PCDHA1: variants seen among roughly 807,000 people sequenced by gnomAD.
PCDHA1 encodes protocadherin alpha-1.
A neutral mutation model predicts 61.3 loss-of-function variants in PCDHA1; 42 were observed. The ratio of observed to expected loss-of-function variants is 0.69; its 90% CI spans 0.54 to 0.89. PCDHA1 has a LOEUF of 0.89. PCDHA1 is among the 40% of genes least tolerant of loss of function. PCDHA1 has a pLI of 0.00. For synonymous variants in PCDHA1, 610 were observed against 553.8 expected (o/e 1.10, Z -1.43); for missense variants, 1,256 against 1,235.3 (o/e 1.02, Z -0.25).
intron 1 of PCDHA1, among the ~76,000 whole-genome samples, chr5:140,891,121 T>C (rs74535477): frequency 0.041 from 6,261 of 152,308 alleles, 144 homozygotes; most frequent in Middle Eastern, 0.061. Context: ...TCAATCTAAA[T>C]GTCATTCCTT....
chr5:140,882,813 C>T lies in PCDHA1; in HGVS notation c.2394+94129C>T, dbSNP rs782169035. On this transcript the variant is annotated intron_variant, in intron 1 of 3. Transcript: ENST00000504120. ...CCCAACGATTATTTCACTTTGGACG[C>T]ACAAAACAGTCTTGAGCAAATGTCT... 4 of 1,614,176 alleles carry T rather than the reference C, an allele frequency of 2.5e-6. No individual in the cohort carries two copies. The East Asian group carries it at 6.7e-5, about 27-fold the overall frequency.
At chr5:140,919,945 A>G (rs1456572905) in intron 1 of PCDHA1, among the ~76,000 whole-genome samples, 1 of 151,572 alleles carries the variant, frequency 6.6e-6, no homozygotes, top group Non-Finnish European at 1.5e-5. Flanking sequence ...ATTCCAGTGA[A>G]AAGTTTGTTT....
intron 1 of PCDHA1, among the ~76,000 whole-genome samples, chr5:140,924,926 TAAAATAAAATAAAAA>T (rs1425116753): frequency 8.4e-6 from 1 of 119,430 alleles, no homozygotes; most frequent in Non-Finnish European, 1.8e-5. Flanking sequence ...TAAAATAAAA[TAAAATAAAATAAAAA>T]GTTAAAAAAA....
At position 140,841,479 on chromosome 5, in the gene PCDHA1, G is replaced by A. The variant is rs2150316299; in HGVS notation, c.2394+52795G>A. On this transcript the variant is annotated intron_variant, in intron 1 of 3. Transcript: ENST00000504120. The stretch of plus-strand genomic sequence containing the variant: ...GTGGGCCGGATCGCGCAGGACCTGG[G>A]GCTGGAGCTGGCGGAGCTGGTGCCG... The A allele has an allele frequency of 3.6e-4, 573 of 1,613,084 alleles. 4 individuals are homozygous for A. In the Admixed American group the frequency reaches 9.2e-3, roughly 26 times the overall value.
intron 1 of PCDHA1, among the ~76,000 whole-genome samples, chr5:140,961,425 T>G (rs2095610907): frequency 6.6e-6 from 1 of 152,226 alleles, no homozygotes; most frequent in Admixed American, 6.5e-5. Context: ...TTTAAACAAT[T>G]ACAAAATCAC....
chr5:140,816,954 C>T (rs1766032613), intron 1 of PCDHA1: 1 of 152,160 alleles, frequency 6.6e-6, no homozygotes, highest in African/African-American at 2.4e-5. Context: ...TCAAGTGAGA[C>T]AGAAACTTGG....
At chr5:140,856,574 T>C in intron 1 of PCDHA1, 1 of 1,597,714 alleles carries the variant, frequency 6.3e-7, no homozygotes, top group Non-Finnish European at 8.6e-7. Flanking sequence ...TCCAAATGAG[T>C]ATTTTGTTCT....
At position 140,927,384 on chromosome 5, in the gene PCDHA1, C is replaced by G. The variant is rs2084146194; in HGVS notation, c.2395-51565C>G. On this transcript the variant is annotated intron_variant, in intron 1 of 3. Transcript: ENST00000504120. Reference sequence around the variant, plus strand: ...ATGGGATACTAAGCTACAGCCTAAGCCCCAGTCAGCACTTTCGCCTGGACA... The same window carrying G: ...ATGGGATACTAAGCTACAGCCTAAGGCCCAGTCAGCACTTTCGCCTGGACA... 1 of 1,613,996 alleles carries G rather than the reference C, an allele frequency of 6.2e-7. No individual in the cohort carries two copies. The highest frequency in any genetic ancestry group is 1.7e-5 in the Admixed American group (1 of 60,010).
chr5:140,882,288 G>C (rs1554173426), intron 1 of PCDHA1: 2 of 1,613,210 alleles, frequency 1.2e-6, no homozygotes, highest in East Asian at 2.2e-5. Flanking sequence ...TCCTGGCAAG[G>C]AGGCCCAAGA....
At chr5:140,871,283 C>G in intron 1 of PCDHA1, 4 of 1,613,936 alleles carry the variant, frequency 2.5e-6, no homozygotes, top group Non-Finnish European at 3.4e-6. Flanking sequence ...GCAACGCCCA[C>G]TGAGGGCGCG....
At position 140,835,626 on chromosome 5, in the gene PCDHA1, C is replaced by G. The variant is rs2150239729; in HGVS notation, c.2394+46942C>G. ...ATTGGTGCTGGACAGCGCTCTGGAC[C>G]GCGAGAGTGTGTCCGCCTATGAGCT... is the stretch of plus-strand genomic sequence containing the variant. On this transcript the variant is annotated intron_variant, in intron 1 of 3. Transcript: ENST00000504120. 21 of 1,613,762 alleles carry G rather than the reference C, an allele frequency of 1.3e-5. No homozygotes were observed. The highest frequency in any genetic ancestry group is 1.1e-5 in the South Asian group (1 of 91,068).
intron 1 of PCDHA1, chr5:140,871,093 G>C: frequency 1.9e-6 from 3 of 1,613,300 alleles, no homozygotes; most frequent in Non-Finnish European, 2.5e-6. Context: ...CACGGCCACC[G>C]TGCTGGTGTC....
chr5:140,973,167 C>A (rs554202231), intron 1 of PCDHA1, among the ~76,000 whole-genome samples: 44 of 152,284 alleles, frequency 2.9e-4, no homozygotes, highest in Admixed American at 2.4e-3. Context: ...TTTGTAGTCA[C>A]CAAACCTTCA....
intron 1 of PCDHA1, chr5:140,816,876 ACTCAGCTCTTTTAGGTTCTGAGAAGCC>A (rs1766016006): frequency 6.6e-6 from 1 of 151,704 alleles, no homozygotes; most frequent in African/African-American, 2.4e-5. Flanking sequence ...AGCAGTATTC[ACTCAGCTCTTTTAGGTTCTGAGAAGCC>A]CTCAGTTATA....
chr5:140,852,575 CTTTT>C, intron 1 of PCDHA1: 1 of 799,032 alleles, frequency 1.3e-6, no homozygotes, highest in Non-Finnish European at 1.5e-6. Context: ...TGTGCCAAGG[CTTTT>C]TTATTTTTTT....
At chr5:140,835,820 G>T (rs2150245687) in intron 1 of PCDHA1, 1 of 1,612,676 alleles carries the variant, frequency 6.2e-7, no homozygotes, top group South Asian at 1.1e-5. Flanking sequence ...CTGTGTCGGC[G>T]GGGGACGCGG....
At chr5:140,955,385 G>A (rs1416235573) in intron 1 of PCDHA1, among the ~76,000 whole-genome samples, 4 of 152,216 alleles carry the variant, frequency 2.6e-5, no homozygotes, top group South Asian at 4.1e-4. Flanking sequence ...GAATCATGGG[G>A]GCAATTATCC....
At chr5:140,802,570 C>A (rs1554122218) in intron 1 of PCDHA1, 1 of 1,614,158 alleles carries the variant, frequency 6.2e-7, no homozygotes, top group Non-Finnish European at 8.5e-7. Context: ...TTCTCGCAGT[C>A]CGAGTACACG....
chr5:140,856,332 G>A, intron 1 of PCDHA1: 2 of 1,598,636 alleles, frequency 1.3e-6, no homozygotes, highest in East Asian at 2.2e-5. Context: ...GAGGAGCTGT[G>A]CGGGCGGAGC....
Sources: gnomAD v4.1 joint callset for allele counts (sites outside exome capture counted in the v4.1 genomes callset) on GRCh38, gnomAD v4.1.1 for gene constraint, MANE v1.5 for transcripts, NCBI Gene and HGNC (gene_info 2026-07-23, HGNC 2026-07-21) for gene names.